Variants in KIF13B observed in about 807,000 individuals in gnomAD.
The protein encoded by KIF13B is kinesin-like protein KIF13B.
A neutral mutation model predicts 222.0 loss-of-function variants in KIF13B; 127 were observed. The observed-to-expected ratio is 0.57, with a 90% CI of 0.50 to 0.66. The LOEUF (loss-of-function observed/expected upper bound fraction) is 0.66. Ranked by LOEUF, KIF13B falls within the 30% of genes least tolerant of loss-of-function variation. KIF13B has a pLI of 0.00. For synonymous variants in KIF13B, 976 were observed against 919.0 expected, an observed-to-expected ratio of 1.06 and a Z score of -1.12; for missense variants, 2,173 against 2,379.0, an observed-to-expected ratio of 0.91 and a Z score of 1.80.
chr8:29,190,282 C>T (rs1409503386), intron 4 of KIF13B: 1 of 152,260 alleles, frequency 6.6e-6, no homozygotes, highest in African/African-American at 2.4e-5. Context: ...TTCAGTCATG[C>T]ACTTTTTGTC....
Position 29,068,972 on chromosome 8 carries a change from G to A in KIF13B, c.*1532C>T, listed in dbSNP as rs984109022. 8.5e-5 allele frequency: 13 copies of A among 152,192 alleles called. No homozygotes were observed. Among genetic ancestry groups the A allele is most frequent in the African/African-American group, 2.9e-4 (12 of 41,432 alleles). 9.4% of individuals were successfully genotyped at this position (152,192 alleles called of 1,614,324 possible). A position where few individuals can be genotyped will look rare whatever the true frequency, so the allele number is the denominator to read the frequency against. ...CAGCCTTCGTGTCCCTCGCCAACTG[G>A]GGAGAGAAAGACAACCTGTCCTCGC... On this transcript the variant is annotated 3_prime_UTR_variant, in exon 40 of 40. Coordinates refer to ENST00000524189, the MANE Select transcript of KIF13B (RefSeq NM_015254.4). The surrounding 1 kb of genome is among the most constrained non-coding windows in gnomAD (Gnocchi z 4.4).
intron 37 of KIF13B, among the ~76,000 whole-genome samples, chr8:29,077,291 C>T (rs1417015299): frequency 6.6e-6 from 1 of 152,192 alleles, no homozygotes; most frequent in Non-Finnish European, 1.5e-5. Context: ...CTGCTCTCCA[C>T]GGCCCCGCCT....
At chr8:29,194,294 T>G (rs952405731) in intron 3 of KIF13B, among the ~76,000 whole-genome samples, 7 of 151,610 alleles carry the variant, frequency 4.6e-5, no homozygotes, top group South Asian at 2.1e-4. Flanking sequence ...TATTGGGTTT[T>G]TTTTTTTTTT....
chr8:29,182,521 G>A lies in KIF13B; in HGVS notation c.498-515C>T, dbSNP rs1194867336. Among the ~76,000 whole-genome samples the A allele has an allele frequency of 4.0e-5, 6 of 151,628 alleles. No individual in the cohort carries two copies. In the East Asian group the frequency reaches 5.8e-4, roughly 15 times the overall value. On this transcript the variant is annotated intron_variant, in intron 6 of 39. Coordinates refer to ENST00000524189, the MANE Select transcript of KIF13B (RefSeq NM_015254.4). ...ATTGACAGCCTAAGGGGGCGGAGGA[G>A]GGAAGTATGATCATTTCAATAAACG...
intron 2 of KIF13B, among the ~76,000 whole-genome samples, chr8:29,219,855 G>A (rs1055571708): frequency 6.6e-6 from 1 of 152,250 alleles, no homozygotes; most frequent in South Asian, 2.1e-4. Context: ...TTGAACCCAG[G>A]AATTCAAGAC....
At chr8:29,248,237 A>T (rs975199749) in intron 1 of KIF13B, among the ~76,000 whole-genome samples, 3 of 152,374 alleles carry the variant, frequency 2.0e-5, no homozygotes, top group Admixed American at 6.5e-5. Flanking sequence ...AAATGTTCAC[A>T]GTACCATTAT....
At chr8:29,094,463 G>A (rs1353594579) in intron 36 of KIF13B, among the ~76,000 whole-genome samples, 1 of 152,172 alleles carries the variant, frequency 6.6e-6, no homozygotes, top group African/African-American at 2.4e-5. Context: ...CGTATGGTAA[G>A]CAAAAGAGAC....
At chr8:29,221,094 GTTCTTTT>G (rs1329799024) in intron 2 of KIF13B, among the ~76,000 whole-genome samples, 6 of 98,874 alleles carry the variant, frequency 6.1e-5, no homozygotes, top group East Asian at 2.4e-4. Flanking sequence ...AGTGAGCTGT[GTTCTTTT>G]TTTTTTTTTT....
At position 29,202,536 on chromosome 8, in the gene KIF13B, C is replaced by T. The variant is rs556850031; in HGVS notation, c.150-6337G>A. Reference sequence around the variant, plus strand: ...TTTCACCATGTTGGCCAGGCTGTCTCGAACTCCAGACCTCAGGTGATCTGC... The same window carrying T: ...TTTCACCATGTTGGCCAGGCTGTCTTGAACTCCAGACCTCAGGTGATCTGC... On this transcript the variant is annotated intron_variant, in intron 2 of 39. Transcript: ENST00000524189. Among the ~76,000 whole-genome samples, 15 of 152,250 alleles carry T rather than the reference C, an allele frequency of 9.9e-5. No individual in the cohort carries two copies. The East Asian group carries it at 2.1e-3, about 22-fold the overall frequency.
At chr8:29,239,915 G>A (rs1815688011) in intron 2 of KIF13B, among the ~76,000 whole-genome samples, 1 of 151,594 alleles carries the variant, frequency 6.6e-6, no homozygotes, top group Non-Finnish European at 1.5e-5. Context: ...TGCGTGCCTT[G>A]GCCTCTCAAA....
In KIF13B at chr8:29,140,719, T is replaced by C. The variant is rs1810780157; in HGVS notation, c.2335-102A>G. 3.8e-6 allele frequency: 4 copies of C among 1,057,222 alleles called. No individual in the cohort carries two copies. The Admixed American group carries it at 1.1e-4, about 28-fold the overall frequency. The allele number at this position is 1,057,222 out of a possible 1,614,324, so 65.5% of individuals were successfully genotyped here. ...CACTCTAGGTTATTAAACTTAACTT[T>C]CATCATCCTAACTCTTGTATTTTTT... On this transcript the variant is annotated intron_variant, in intron 19 of 39. Coordinates refer to ENST00000524189, the MANE Select transcript of KIF13B (RefSeq NM_015254.4).
intron 6 of KIF13B, among the ~76,000 whole-genome samples, chr8:29,184,831 G>A (rs1812861818): frequency 6.6e-6 from 1 of 152,092 alleles, no homozygotes; most frequent in African/African-American, 2.4e-5. Flanking sequence ...TGATCTTTGC[G>A]AGGTCAAAGT....
intron 2 of KIF13B, among the ~76,000 whole-genome samples, chr8:29,238,492 A>G (rs1020461180): frequency 6.6e-6 from 1 of 152,248 alleles, no homozygotes; most frequent in African/African-American, 2.4e-5. Flanking sequence ...TAGTAAAACT[A>G]TCAGAAGGAA....
At chr8:29,135,179 G>A (rs558222814) in intron 21 of KIF13B, among the ~76,000 whole-genome samples, 26 of 152,196 alleles carry the variant, frequency 1.7e-4, no homozygotes, top group Middle Eastern at 6.8e-3. Context: ...AAGGAGCTAG[G>A]ACTACAGGTG....
rs1353859035 is a variant in KIF13B, at chr8:29,140,713, T to TAATA, written c.2335-97_2335-96insTATT. ...TTGATGCACTCTAGGTTATTAAACTTAACTTTCATCATCCTAACTCTTGTA... is the reference window on the plus strand; with the variant it reads ...TTGATGCACTCTAGGTTATTAAACTTAATAAACTTTCATCATCCTAACTCTTGTA... On this transcript the variant is annotated intron_variant, in intron 19 of 39. Coordinates refer to ENST00000524189, the MANE Select transcript of KIF13B (RefSeq NM_015254.4). 5 of 1,121,736 alleles carry TAATA rather than the reference T, an allele frequency of 4.5e-6. No homozygotes were observed. The African/African-American group carries it at 7.8e-5, about 18-fold the overall frequency. The allele number at this position is 1,121,736 out of a possible 1,614,324, so 69.5% of individuals were successfully genotyped here.
In KIF13B at chr8:29,075,308, CG is replaced by C; in HGVS notation, c.4493del (p.Pro1498ArgfsTer5). 1 of 1,558,882 alleles carries C rather than the reference CG, an allele frequency of 6.4e-7. No homozygotes were observed. On this transcript the variant is annotated frameshift_variant, in exon 38 of 40. Coordinates refer to ENST00000524189, the MANE Select transcript of KIF13B (RefSeq NM_015254.4). LOFTEE classifies it high-confidence loss of function. The stretch of plus-strand genomic sequence containing the variant: ...CCTCCATCCTGGTCACCCTGATGTC[CG>C]GGCTGGCTGACTGCACCATGATGCG... ...VPRIMVQSAS[P>X]DIRVTRMEEA...
intron 2 of KIF13B, among the ~76,000 whole-genome samples, chr8:29,198,050 T>G (rs1040029477): frequency 2.0e-5 from 3 of 152,240 alleles, no homozygotes; most frequent in Non-Finnish European, 4.4e-5. Flanking sequence ...TGAGATTTTC[T>G]TCTAAAAGAA....
chr8:29,131,176 G>C (rs1382767464), intron 23 of KIF13B, among the ~76,000 whole-genome samples: 1 of 152,066 alleles, frequency 6.6e-6, no homozygotes, highest in Non-Finnish European at 1.5e-5. Context: ...CCAGGAGTTG[G>C]GGAGCAGGGA....
At chr8:29,154,039 C>T (rs1209328503) in intron 14 of KIF13B, among the ~76,000 whole-genome samples, 2 of 152,212 alleles carry the variant, frequency 1.3e-5, no homozygotes, top group East Asian at 3.8e-4. Flanking sequence ...TGGCGAGGCA[C>T]AGTAGTTTAT....
Sources: allele counts gnomAD v4.1 joint callset (sites outside exome capture counted in the v4.1 genomes callset), GRCh38; gene constraint gnomAD v4.1.1; non-coding constraint Gnocchi (gnomAD v3.1); transcripts MANE v1.5; gene names NCBI Gene and HGNC (gene_info 2026-07-23, HGNC 2026-07-21).